DNAH8: variants seen among roughly 807,000 people sequenced by gnomAD.
DNAH8 encodes dynein axonemal heavy chain 8, also known as axonemal beta dynein heavy chain 8.
DNAH8 carries 382 observed loss-of-function variants against 562.1 expected under a neutral mutation model. The ratio of observed to expected loss-of-function variants is 0.68; its 90% CI spans 0.63 to 0.74. DNAH8 has a LOEUF of 0.74. DNAH8 is among the 30% of genes least tolerant of loss of function. The probability of loss-of-function intolerance (pLI) is 0.00; values close to 1 mark genes in which losing one functional copy is unlikely to be tolerated. For synonymous variants in DNAH8, 1,881 were observed against 1,919.4 expected, an observed-to-expected ratio of 0.98 and a Z score of 0.52; for missense variants, 5,203 against 5,620.4, an observed-to-expected ratio of 0.93 and a Z score of 2.37.
chr6:38,786,452 A>G (rs572631589), intron 17 of DNAH8, among the ~76,000 whole-genome samples: 1 of 152,356 alleles, frequency 6.6e-6, no homozygotes, highest in African/African-American at 2.4e-5. Flanking sequence ...GTCATAATCC[A>G]TAAGATAAAC....
chr6:38,716,731 C>T (rs573332228), intron 1 of DNAH8: 1 of 152,230 alleles, frequency 6.6e-6, no homozygotes, highest in Non-Finnish European at 1.5e-5. Flanking sequence ...ATGCAGAAGA[C>T]GTTCAATATT....
chr6:38,805,108 A>G (rs1356434759), intron 22 of DNAH8, among the ~76,000 whole-genome samples: 1 of 152,152 alleles, frequency 6.6e-6, no homozygotes. Flanking sequence ...GAGTTTTTCC[A>G]CTTAGTTTAA....
chr6:38,917,884 A>G (rs748870956), intron 69 of DNAH8, 41 bp from the exon 70 acceptor site: 1 of 1,461,584 alleles, frequency 6.8e-7, no homozygotes. Flanking sequence ...GGAAGAAAGT[A>G]TTTTCTTCCA....
At chr6:38,730,313 C>T (rs1226959564) in intron 4 of DNAH8, among the ~76,000 whole-genome samples, 2 of 152,156 alleles carry the variant, frequency 1.3e-5, no homozygotes, top group Non-Finnish European at 2.9e-5. Context: ...GTGGTGAAAC[C>T]ACTCCAGAGC....
chr6:38,851,996 A>G (rs1190016183), intron 39 of DNAH8, among the ~76,000 whole-genome samples: 1 of 152,224 alleles, frequency 6.6e-6, no homozygotes, highest in Non-Finnish European at 1.5e-5. Flanking sequence ...TGAGGATTAT[A>G]TGAGATCATG....
intron 62 of DNAH8, among the ~76,000 whole-genome samples, chr6:38,904,792 C>CACAAAAAA (rs1780325524): frequency 1.2e-5 from 1 of 86,384 alleles, no homozygotes; most frequent in Non-Finnish European, 2.2e-5. Flanking sequence ...AACTCCGTCT[C>CACAAAAAA]AAAAAAAAAA....
intron 1 of DNAH8, among the ~76,000 whole-genome samples, chr6:38,722,242 T>C (rs1009966058): frequency 9.9e-5 from 15 of 152,220 alleles, no homozygotes; most frequent in African/African-American, 3.6e-4. Context: ...AGAGGATGTT[T>C]TATGCTTTTA....
At chr6:38,743,178 C>T (rs544133682) in intron 8 of DNAH8, among the ~76,000 whole-genome samples, 24 of 151,682 alleles carry the variant, frequency 1.6e-4, no homozygotes, top group Admixed American at 6.6e-4. Flanking sequence ...CCACCATGCC[C>T]GACTAATTAA....
At chr6:38,812,534 G>T (rs1324597651) in intron 24 of DNAH8, among the ~76,000 whole-genome samples, 1 of 152,182 alleles carries the variant, frequency 6.6e-6, no homozygotes, top group Non-Finnish European at 1.5e-5. Flanking sequence ...CTCTACAGAG[G>T]CTGCTCCATT....
rs16891298 is a variant in DNAH8 at position 38,939,850 on chromosome 6, T to C, written c.12007+862T>C. Among the ~76,000 whole-genome samples the C allele has an allele frequency of 6.6e-3, 1,005 of 152,266 alleles. 15 individuals carry two copies. Among genetic ancestry groups the C allele is most frequent in the African/African-American group, 0.023 (949 of 41,544 alleles). On this transcript the variant is annotated intron_variant, in intron 79 of 92. Transcript: ENST00000327475. ...CCCATAAAGAAAGTGGCATTTGAGG[T>C]GGACCCTGAAGAGGTAGAAATGAGG...
chr6:38,866,795 C>T lies in DNAH8; in HGVS notation c.6612C>T (p.Ser2204=), dbSNP rs145106656. Residue 2204 remains serine (S), a synonymous_variant, in exon 47 of 93, where the codon AGC becomes AGT. Transcript: ENST00000327475. ...RQIIMRVKLA[S]CGFLENVILA... ...TCATTATGAGAGTTAAACTTGCAAGCTGTGGTTTTCTTGAAAATGTTATCT... is the reference window on the plus strand; with the variant it reads ...TCATTATGAGAGTTAAACTTGCAAGTTGTGGTTTTCTTGAAAATGTTATCT... 136 of 1,612,942 alleles carry T rather than the reference C, an allele frequency of 8.4e-5. No homozygotes were observed. In the African/African-American group the frequency reaches 1.2e-3, roughly 14 times the overall value.
chr6:38,812,934 A>G (rs1771928697), intron 24 of DNAH8, among the ~76,000 whole-genome samples: 1 of 152,242 alleles, frequency 6.6e-6, no homozygotes, highest in African/African-American at 2.4e-5. Context: ...TCTGCCTCAC[A>G]GAATTAATGT....
chr6:38,857,723 G>T lies in DNAH8; in HGVS notation c.5939G>T (p.Arg1980Ile). The T allele has an allele frequency of 6.2e-7, 1 of 1,608,000 alleles. No homozygotes were observed. Among genetic ancestry groups the T allele is most frequent in the Non-Finnish European group, 8.5e-7 (1 of 1,176,286 alleles). ...ETLITIHVHQ[R>I]DIFDDLVKMH... Reference sequence around the variant, plus strand: ...CTAATTACCATCCATGTGCATCAGAGAGATATTTTTGATGACTTGGTAAGG... The same window carrying T: ...CTAATTACCATCCATGTGCATCAGATAGATATTTTTGATGACTTGGTAAGG... The change falls in exon 42 of 93, where the codon AGA becomes ATA. Residue 1980 changes from arginine to isoleucine, a missense_variant. Arg to Ile is a moderately conservative substitution (Grantham distance 97, BLOSUM62 -3). Transcript: ENST00000327475.
chr6:38,981,244 A>G (rs900612485), intron 85 of DNAH8, among the ~76,000 whole-genome samples: 6 of 152,134 alleles, frequency 3.9e-5, no homozygotes. Context: ...TTAGAGACTG[A>G]TTATGTGTTG....
chr6:38,996,046 G>T (rs547537428), intron 88 of DNAH8, among the ~76,000 whole-genome samples: 33 of 152,280 alleles, frequency 2.2e-4, no homozygotes, highest in Admixed American at 5.9e-4. Flanking sequence ...CTCTTCACAG[G>T]GTTCTCCTGC....
rs144095274 is a variant in DNAH8 at position 38,913,867 on chromosome 6, A to C, written c.9878A>C (p.Glu3293Ala). Residue 3293 changes from glutamate to alanine, a missense_variant, in exon 67 of 93, where the codon GAG (glutamate) becomes GCG (alanine). Around this residue, in one of 6 missense-constraint regions of DNAH8, gnomAD observed 977 missense variants for 1,061.8 expected, o/e 0.92. Transcript: ENST00000327475. ...TGTAAAGGTCTTGATAAACTAATGG[A>C]GGCAAGTGAATCTGTTGCTAAACTC... ...RMNIGLDKLM[E>A]ASESVAKLSQ... is the part of the protein sequence containing the mutation. 3.7e-6 allele frequency: 6 copies of C among 1,612,944 alleles called. No homozygotes were observed. Among genetic ancestry groups the C allele is most frequent in the Non-Finnish European group, 5.1e-6 (6 of 1,179,156 alleles).
At chr6:38,995,281 T>C (rs1473047117) in intron 88 of DNAH8, among the ~76,000 whole-genome samples, 1 of 152,314 alleles carries the variant, frequency 6.6e-6, no homozygotes, top group East Asian at 1.9e-4. Flanking sequence ...GGTTCGGAGG[T>C]ATTATTCTCC....
Position 38,923,071 on chromosome 6 carries a change from A to T in DNAH8, c.10676A>T (p.Asp3559Val), listed in dbSNP as rs756412387. The change falls in exon 72 of 93, where the codon GAC becomes GTC. Residue 3559 changes from aspartate to valine, a missense_variant. Physicochemically the swap from Asp to Val is radical, Grantham distance 152 (BLOSUM62 -3). Around this residue, in one of 6 missense-constraint regions of DNAH8, gnomAD observed 1,399 missense variants for 1,518.4 expected, o/e 0.92. Transcript: ENST00000327475. ...AMNEKMDLLNDADTCRKKMQA... is the reference protein window; with the variant it reads ...AMNEKMDLLNVADTCRKKMQA... ...TTATGGCTGCAGGATTTGCTTAATGACGCTGATACGTGCCGGAAAAAGATG... is the reference window on the plus strand; with the variant it reads ...TTATGGCTGCAGGATTTGCTTAATGTCGCTGATACGTGCCGGAAAAAGATG... 1.2e-6 allele frequency: 2 copies of T among 1,612,918 alleles called. No homozygotes were observed. Among genetic ancestry groups the T allele is most frequent in the Admixed American group, 3.3e-5 (2 of 59,748 alleles).
intron 24 of DNAH8, among the ~76,000 whole-genome samples, chr6:38,813,694 G>T (rs1423414408): frequency 1.3e-5 from 2 of 152,034 alleles, no homozygotes; most frequent in South Asian, 4.2e-4. Flanking sequence ...GTTTAATCTT[G>T]TGAAAATATA....
Sources: gnomAD v4.1 joint callset for allele counts (sites outside exome capture counted in the v4.1 genomes callset) on GRCh38, gnomAD v4.1.1 for gene constraint, gnomAD v4.1.1 regional missense constraint, MANE v1.5 for transcripts, NCBI Gene and HGNC (gene_info 2026-07-23, HGNC 2026-07-21) for gene names.